Variants in NSRP1 observed in about 807,000 individuals in gnomAD.
The protein encoded by NSRP1 is coiled-coil domain containing 55.
Under a neutral mutation model 54.7 loss-of-function variants are expected in NSRP1, and 24 were observed. That is an observed-to-expected ratio of 0.44 (90% CI 0.32 to 0.62). The LOEUF (loss-of-function observed/expected upper bound fraction) is 0.62. Among genes scored for constraint, NSRP1 ranks in the 20% least tolerant of loss-of-function variants. NSRP1 has a pLI of 0.06. For synonymous variants in NSRP1, 210 were observed against 213.8 expected (o/e 0.98, Z 0.15); for missense variants, 596 against 651.2 (o/e 0.92, Z 0.92).
At chr17:30,133,109 A>ATT (rs558445432) in intron 2 of NSRP1, among the ~76,000 whole-genome samples, 4 of 110,922 alleles carry the variant, frequency 3.6e-5, no homozygotes, top group Admixed American at 9.5e-5. Context: ...ACACCCAGCT[A>ATT]TTTTTTTTTT....
chr17:30,185,278 A>T lies in NSRP1; in HGVS notation c.1281A>T (p.Arg427Ser). The T allele has an allele frequency of 1.2e-6, 2 of 1,602,854 alleles. No individual in the cohort carries two copies. Among genetic ancestry groups the T allele is most frequent in the Non-Finnish European group, 1.7e-6 (2 of 1,176,166 alleles). ...AGCATATGAAAGTAAGGAAGGAAAG[A>T]TATGAAAATAATGATAAATACAGAG... ...KEEHMKVRKE[R>S]YENNDKYRDR... The change falls in exon 7 of 7, where the codon AGA becomes AGT. Residue 427 changes from arginine to serine, a missense_variant. Arg to Ser is a moderately radical substitution (Grantham distance 110). Coordinates refer to ENST00000247026, the MANE Select transcript of NSRP1 (RefSeq NM_032141.4).
chr17:30,158,834 TATACTA>T (rs1206676625), intron 2 of NSRP1, among the ~76,000 whole-genome samples: 1 of 152,186 alleles, frequency 6.6e-6, no homozygotes, highest in East Asian at 1.9e-4. Context: ...TGTCTGTTTT[TATACTA>T]ATACTATGCT....
chr17:30,148,030 C>T (rs1052355149), intron 2 of NSRP1, among the ~76,000 whole-genome samples: 4 of 150,946 alleles, frequency 2.6e-5, no homozygotes, highest in Non-Finnish European at 4.4e-5. Context: ...CCAGGCTCAT[C>T]TTGCGAACTC....
intron 2 of NSRP1, among the ~76,000 whole-genome samples, chr17:30,153,647 G>A (rs2071934396): frequency 6.6e-6 from 1 of 151,862 alleles, no homozygotes; most frequent in Non-Finnish European, 1.5e-5. Context: ...AAGTTTTATT[G>A]GAACACAGCC....
At chr17:30,181,672 G>A (rs985358053) in intron 6 of NSRP1, among the ~76,000 whole-genome samples, 1 of 149,856 alleles carries the variant, frequency 6.7e-6, no homozygotes, top group South Asian at 2.1e-4. Context: ...GTGCAATGGC[G>A]CGATCTCTGC....
chr17:30,139,670 G>A (rs1486672875), intron 2 of NSRP1, among the ~76,000 whole-genome samples: 2 of 151,916 alleles, frequency 1.3e-5, no homozygotes, highest in African/African-American at 4.8e-5. Context: ...TGTGAAATGG[G>A]GGTAGTCCTT....
At chr17:30,148,062 G>A (rs1168014165) in intron 2 of NSRP1, among the ~76,000 whole-genome samples, 6 of 152,056 alleles carry the variant, frequency 3.9e-5, no homozygotes, top group African/African-American at 1.2e-4. Context: ...TAATCAGCCC[G>A]CCTCAGCCTC....
chr17:30,165,612 G>A (rs200496698), intron 2 of NSRP1, among the ~76,000 whole-genome samples: 1 of 152,276 alleles, frequency 6.6e-6, no homozygotes, highest in East Asian at 1.9e-4. Context: ...TACCCTCAAA[G>A]GAGAATACTC....
rs572953048 is a variant in NSRP1, at chr17:30,185,631, C to T, written c.1634C>T (p.Ala545Val). Reference sequence around the variant, plus strand: ...GACAGGTACTTGGCCAGGCAGATGGCGCGGGTTAATGCAAAGACCTATATT... The same window carrying T: ...GACAGGTACTTGGCCAGGCAGATGGTGCGGGTTAATGCAAAGACCTATATT... ...ARDRYLARQM[A>V]RVNAKTYIEK... is the part of the protein sequence containing the mutation. Residue 545 changes from alanine (A) to valine (V), a missense_variant, in exon 7 of 7, where the codon GCG becomes GTG. Ala to Val is a moderately conservative substitution (Grantham distance 64). Coordinates refer to ENST00000247026, the MANE Select transcript of NSRP1 (RefSeq NM_032141.4). The T allele has an allele frequency of 1.2e-5, 20 of 1,610,948 alleles. No individual in the cohort carries two copies. The highest frequency in any genetic ancestry group is 5.4e-5 in the African/African-American group (4 of 74,668).
chr17:30,162,172 G>A lies in NSRP1; in HGVS notation c.115-10370G>A, dbSNP rs915410866. 3.9e-5 allele frequency among the ~76,000 whole-genome samples: 6 copies of A among 151,938 alleles called. No individual in the cohort carries two copies. In the East Asian group the frequency reaches 5.8e-4, roughly 15 times the overall value. Reference sequence around the variant, plus strand: ...CCCAAGTAGCTGGGACTACAGGCGCGTGCCACCATGCCCGGCTAATTTTTT... The same window carrying A: ...CCCAAGTAGCTGGGACTACAGGCGCATGCCACCATGCCCGGCTAATTTTTT... On this transcript the variant is annotated intron_variant, in intron 2 of 6. Coordinates refer to ENST00000247026, the MANE Select transcript of NSRP1 (RefSeq NM_032141.4).
At chr17:30,129,185 T>C (rs2071678264) in intron 2 of NSRP1, among the ~76,000 whole-genome samples, 1 of 152,080 alleles carries the variant, frequency 6.6e-6, no homozygotes, top group Admixed American at 6.5e-5. Flanking sequence ...ATATAACACA[T>C]TTTATCTGAT....
At chr17:30,171,979 CT>C (rs1234818295) in intron 2 of NSRP1, among the ~76,000 whole-genome samples, 204 of 74,378 alleles carry the variant, frequency 2.7e-3, no homozygotes, top group African/African-American at 8.6e-3. Context: ...CACACTCCCT[CT>C]CTCTCTCTCT....
At chr17:30,141,568 G>C (rs1344257861) in intron 2 of NSRP1, among the ~76,000 whole-genome samples, 1 of 151,988 alleles carries the variant, frequency 6.6e-6, no homozygotes, top group African/African-American at 2.4e-5. Flanking sequence ...GACAATTCAT[G>C]TATGTTTGAA....
At chr17:30,147,356 C>T (rs1444052802) in intron 2 of NSRP1, among the ~76,000 whole-genome samples, 1 of 151,982 alleles carries the variant, frequency 6.6e-6, no homozygotes, top group Non-Finnish European at 1.5e-5. Flanking sequence ...TCTTGAACTC[C>T]TGACCTCAGG....
intron 2 of NSRP1, among the ~76,000 whole-genome samples, chr17:30,141,284 C>T (rs2071802979): frequency 1.3e-5 from 2 of 152,136 alleles, no homozygotes; most frequent in African/African-American, 4.8e-5. Flanking sequence ...AATTCTTCTT[C>T]AGTGCTGCAT....
chr17:30,161,184 A>G (rs1348030640), intron 2 of NSRP1, among the ~76,000 whole-genome samples: 1 of 152,236 alleles, frequency 6.6e-6, no homozygotes, highest in African/African-American at 2.4e-5. Context: ...TAAACTGGCT[A>G]TAAACATTTG....
rs547624182 is a variant in NSRP1 at position 30,181,223 on chromosome 17, G to A, written c.617+207G>A. Among the ~76,000 whole-genome samples, 37 of 152,122 alleles carry A rather than the reference G, an allele frequency of 2.4e-4. No homozygotes were observed. In the South Asian group the frequency reaches 7.0e-3, roughly 29 times the overall value. ...TTTAGTTTAAGATCATTTTTATTCT[G>A]CATTTCACAGAAATTGTTACATTAA... is the stretch of plus-strand genomic sequence containing the variant. On this transcript the variant is annotated intron_variant, in intron 6 of 6. Coordinates refer to ENST00000247026, the MANE Select transcript of NSRP1 (RefSeq NM_032141.4).
intron 2 of NSRP1, among the ~76,000 whole-genome samples, chr17:30,145,767 A>G (rs967744279): frequency 7.9e-5 from 12 of 151,580 alleles, no homozygotes; most frequent in African/African-American, 2.4e-4. Context: ...TTTGTGGGTC[A>G]TCTTCATTAT....
intron 2 of NSRP1, among the ~76,000 whole-genome samples, chr17:30,128,955 G>A (rs369467062): frequency 3.3e-5 from 5 of 150,338 alleles, no homozygotes; most frequent in South Asian, 4.2e-4. Context: ...TGGGGGTCTC[G>A]CTATATTGCC....
Sources: allele counts gnomAD v4.1 joint callset (sites outside exome capture counted in the v4.1 genomes callset), GRCh38; gene constraint gnomAD v4.1.1; transcripts MANE v1.5; gene names NCBI Gene and HGNC (gene_info 2026-07-23, HGNC 2026-07-21).